Variants in KCNK2 observed in about 807,000 individuals in gnomAD.
KCNK2 encodes potassium two pore domain channel subfamily K member 2.
Under a neutral mutation model 40.5 loss-of-function variants are expected in KCNK2, and 21 were observed. The observed-to-expected ratio is 0.52, with a 90% CI of 0.37 to 0.75. KCNK2 has a LOEUF of 0.75. Among genes scored for constraint, KCNK2 ranks in the 30% least tolerant of loss-of-function variants. The probability of loss-of-function intolerance (pLI) is 0.00; values close to 1 mark genes in which losing one functional copy is unlikely to be tolerated. For missense variants in KCNK2, 399 were observed against 531.6 expected, an observed-to-expected ratio of 0.75 and a Z score of 2.45; for synonymous variants, 191 against 202.2, an observed-to-expected ratio of 0.94 and a Z score of 0.47.
At chr1:215,154,365 A>G (rs893407105) in intron 3 of KCNK2, among the ~76,000 whole-genome samples, 2 of 151,292 alleles carry the variant, frequency 1.3e-5, no homozygotes, top group African/African-American at 2.4e-5. Flanking sequence ...GCTTTTTTTC[A>G]TATGTGTGTT....
At chr1:215,145,003 T>C (rs1227304423) in intron 3 of KCNK2, among the ~76,000 whole-genome samples, 1 of 152,214 alleles carries the variant, frequency 6.6e-6, no homozygotes, top group Non-Finnish European at 1.5e-5. Flanking sequence ...CTGTTTTCTA[T>C]GGTTGCGTAT....
intron 6 of KCNK2, among the ~76,000 whole-genome samples, chr1:215,212,071 G>C (rs1336307718): frequency 5.3e-5 from 8 of 152,044 alleles, no homozygotes; most frequent in Non-Finnish European, 8.8e-5. Context: ...AGAAAATCTT[G>C]AGAAATTACT....
chr1:215,214,104 C>T (rs1665858584), intron 6 of KCNK2, among the ~76,000 whole-genome samples: 1 of 152,210 alleles, frequency 6.6e-6, no homozygotes, highest in East Asian at 1.9e-4. Context: ...TCCATTCTTG[C>T]AATGCTGTAA....
intron 2 of KCNK2, among the ~76,000 whole-genome samples, chr1:215,093,768 TA>T (rs1306280138): frequency 1.4e-5 from 1 of 74,068 alleles, no homozygotes; most frequent in Non-Finnish European, 2.1e-5. Flanking sequence ...TTATATAATA[TA>T]AAATATATTA....
At chr1:215,190,412 G>A (rs1232104995) in intron 5 of KCNK2, among the ~76,000 whole-genome samples, 1 of 152,134 alleles carries the variant, frequency 6.6e-6, no homozygotes, top group African/African-American at 2.4e-5. Context: ...GTGGATAAAT[G>A]ATAAGAAGGA....
chr1:215,043,642 G>A (rs1657642370), intron 1 of KCNK2, among the ~76,000 whole-genome samples: 1 of 152,174 alleles, frequency 6.6e-6, no homozygotes, highest in Non-Finnish European at 1.5e-5. Context: ...GCTTGGGGGA[G>A]GGAGGAACAG....
intron 6 of KCNK2, among the ~76,000 whole-genome samples, chr1:215,225,441 T>TA (rs1260653167): frequency 6.6e-6 from 1 of 152,254 alleles, no homozygotes; most frequent in African/African-American, 2.4e-5. Context: ...TTAATTTCTA[T>TA]AAATTATTGA....
intron 3 of KCNK2, among the ~76,000 whole-genome samples, chr1:215,166,707 G>A (rs1376662026): frequency 6.6e-6 from 1 of 151,976 alleles, no homozygotes; most frequent in Admixed American, 6.6e-5. Context: ...CCTTGAACCA[G>A]AATCTTCCAT....
At chr1:215,060,666 G>T (rs1267701671) in intron 1 of KCNK2, among the ~76,000 whole-genome samples, 1 of 152,176 alleles carries the variant, frequency 6.6e-6, no homozygotes, top group Non-Finnish European at 1.5e-5. Context: ...AGCAGTGTGT[G>T]TTACTTTTGT....
chr1:215,112,545 A>T (rs1660741564), intron 2 of KCNK2, among the ~76,000 whole-genome samples: 1 of 152,184 alleles, frequency 6.6e-6, no homozygotes, highest in South Asian at 2.1e-4. Flanking sequence ...TTTTAAAAAT[A>T]GATTCAGTGT....
At chr1:215,009,239 T>C (rs116662463) in intron 1 of KCNK2, among the ~76,000 whole-genome samples, 1 of 152,136 alleles carries the variant, frequency 6.6e-6, no homozygotes, top group Non-Finnish European at 1.5e-5. Context: ...CAAACACATA[T>C]GCAAAGCACT....
chr1:215,028,747 G>C (rs902082864), intron 1 of KCNK2, among the ~76,000 whole-genome samples: 14 of 152,050 alleles, frequency 9.2e-5, no homozygotes, highest in Non-Finnish European at 1.5e-4. Flanking sequence ...ATCTCATTAA[G>C]ATAAAGAAAA....
chr1:215,182,455 T>C (rs1439310076), intron 5 of KCNK2, among the ~76,000 whole-genome samples: 1 of 152,106 alleles, frequency 6.6e-6, no homozygotes, highest in African/African-American at 2.4e-5. Context: ...AAGGGCCCAC[T>C]GCACTACAAT....
At chr1:215,088,865 T>A (rs1238660680) in intron 2 of KCNK2, among the ~76,000 whole-genome samples, 3 of 152,244 alleles carry the variant, frequency 2.0e-5, no homozygotes, top group Non-Finnish European at 2.9e-5. Flanking sequence ...CTGATTATTT[T>A]TGCTTCATAA....
intron 1 of KCNK2, among the ~76,000 whole-genome samples, chr1:215,020,832 C>G (rs990568954): frequency 8.5e-5 from 13 of 152,132 alleles, no homozygotes; most frequent in Non-Finnish European, 2.9e-5. Flanking sequence ...ATGCTACATT[C>G]TCGCCATATA....
intron 1 of KCNK2, among the ~76,000 whole-genome samples, chr1:215,051,450 G>A (rs1303747303): frequency 6.6e-6 from 1 of 152,174 alleles, no homozygotes; most frequent in African/African-American, 2.4e-5. Context: ...AGATGTGGGT[G>A]TACTATAAAA....
intron 5 of KCNK2, among the ~76,000 whole-genome samples, chr1:215,181,826 G>T (rs928668204): frequency 6.6e-6 from 1 of 152,188 alleles, no homozygotes; most frequent in Non-Finnish European, 1.5e-5. Flanking sequence ...TTTTTGGATT[G>T]CTCAGTGTTT....
chr1:215,128,934 A>C (rs1661553907), intron 3 of KCNK2, among the ~76,000 whole-genome samples: 1 of 152,232 alleles, frequency 6.6e-6, no homozygotes, highest in Non-Finnish European at 1.5e-5. Context: ...AAAGTGAAGT[A>C]AAAGTTTAAA....
At chr1:215,091,229 A>C (rs1659681811) in intron 2 of KCNK2, among the ~76,000 whole-genome samples, 1 of 152,166 alleles carries the variant, frequency 6.6e-6, no homozygotes, top group Non-Finnish European at 1.5e-5. Flanking sequence ...AATAGTGGAC[A>C]TTCTAAGCAG....
Sources: gnomAD v4.1 joint callset for allele counts (sites outside exome capture counted in the v4.1 genomes callset) on GRCh38, gnomAD v4.1.1 for gene constraint, MANE v1.5 for transcripts, NCBI Gene and HGNC (gene_info 2026-07-23, HGNC 2026-07-21) for gene names.